RSRC1: variants seen among roughly 807,000 people sequenced by gnomAD.
RSRC1 encodes serine/Arginine-related protein 53.
In RSRC1, 39 loss-of-function variants were observed where a neutral mutation model predicts 49.1. That is an observed-to-expected ratio of 0.79 (90% CI 0.61 to 1.04). The LOEUF (loss-of-function observed/expected upper bound fraction) is 1.04. Among genes scored for constraint, RSRC1 ranks in the 50% least tolerant of loss-of-function variants. The pLI is 0.00. For missense variants in RSRC1, 388 were observed against 402.4 expected, an observed-to-expected ratio of 0.96 and a Z score of 0.31; for synonymous variants, 143 against 130.8, an observed-to-expected ratio of 1.09 and a Z score of -0.63.
At chr3:158,379,069 ATC>A (rs148544816) in intron 6 of RSRC1, among the ~76,000 whole-genome samples, 14,034 of 151,786 alleles carry the variant, frequency 0.092, 2,197 homozygotes, top group African/African-American at 0.33. Flanking sequence ...AGTCACCACC[ATC>A]TCTCACCTGA....
Position 158,516,749 on chromosome 3 carries a change from C to T in RSRC1, c.653-20343C>T, listed in dbSNP as rs562546749. 6.6e-5 allele frequency among the ~76,000 whole-genome samples: 10 copies of T among 152,348 alleles called. No homozygotes were observed. The East Asian group carries it at 1.2e-3, about 18-fold the overall frequency. On this transcript the variant is annotated intron_variant, in intron 7 of 9. Transcript: ENST00000611884. ...ACTGCTGTGCTAGCAATCAGCGAGA[C>T]TCCGTGGGCGTAGGGCCCTCCGAGC...
rs1362041731 is a variant in RSRC1 at position 158,259,064 on chromosome 3, T to C, written c.495-38975T>C. 2.6e-5 allele frequency among the ~76,000 whole-genome samples: 4 copies of C among 152,176 alleles called. No homozygotes were observed. In the East Asian group the frequency reaches 7.7e-4, roughly 29 times the overall value. ...CCAGGATTGGCTGGTGGTACCTTGT[T>C]GAGTTTCTTTGGTGAGGCCATCTTT... On this transcript the variant is annotated intron_variant, in intron 4 of 9. Transcript: ENST00000611884.
intron 5 of RSRC1, among the ~76,000 whole-genome samples, chr3:158,331,160 G>T (rs546428185): frequency 6.6e-6 from 1 of 152,192 alleles, no homozygotes; most frequent in Non-Finnish European, 1.5e-5. Flanking sequence ...TTGAGATTTG[G>T]TGTTGGGCTC....
chr3:158,208,838 C>T (rs1307826655), intron 4 of RSRC1, among the ~76,000 whole-genome samples: 1 of 152,152 alleles, frequency 6.6e-6, no homozygotes. Context: ...CTCATAATTG[C>T]AATTTGATTT....
intron 5 of RSRC1, among the ~76,000 whole-genome samples, chr3:158,298,665 C>G (rs73031618): frequency 0.012 from 1,803 of 152,026 alleles, 30 homozygotes; most frequent in African/African-American, 0.042. Flanking sequence ...ATTGGAAAAC[C>G]CTTACAATTG....
At chr3:158,373,167 CAA>C (rs756761858) in intron 6 of RSRC1, among the ~76,000 whole-genome samples, 6 of 151,718 alleles carry the variant, frequency 4.0e-5, no homozygotes, top group Non-Finnish European at 7.4e-5. Flanking sequence ...TCTACATAAA[CAA>C]TGATGTCATA....
At chr3:158,336,448 G>T (rs931162276) in intron 5 of RSRC1, 1 of 157,902 alleles carries the variant, frequency 6.3e-6, no homozygotes, top group Non-Finnish European at 1.4e-5. Context: ...GCTCCAGAGG[G>T]TCACTGGGGT....
At position 158,204,230 on chromosome 3, in the gene RSRC1, TTGTTTGTG is replaced by T. The variant is rs1721228361; in HGVS notation, c.494+991_494+998del. ...TTCCTCATTCCTTTCTTTTTCACAG[TTGTTTGTG>T]TGTTTATTTTTTATTTCCAAATTTA... On this transcript the variant is annotated intron_variant, in intron 4 of 9. Coordinates refer to ENST00000611884, the MANE Select transcript of RSRC1 (RefSeq NM_001271838.2). Among the ~76,000 whole-genome samples, 3 of 152,252 alleles carry T rather than the reference TTGTTTGTG, an allele frequency of 2.0e-5. No homozygotes were observed. The South Asian group carries it at 6.2e-4, about 32-fold the overall frequency.
chr3:158,399,428 T>TAC (rs1733788716), intron 6 of RSRC1, among the ~76,000 whole-genome samples: 1 of 35,844 alleles, frequency 2.8e-5, no homozygotes, highest in African/African-American at 1.6e-4. Context: ...AGTGCTGGGA[T>TAC]TACAGGCGTG....
chr3:158,298,902 G>T (rs545788959), intron 5 of RSRC1, among the ~76,000 whole-genome samples: 1 of 152,178 alleles, frequency 6.6e-6, no homozygotes, highest in South Asian at 2.1e-4. Context: ...ATGTACTTTT[G>T]TTCTGCTTCC....
At chr3:158,201,176 C>T (rs984768009) in intron 3 of RSRC1, among the ~76,000 whole-genome samples, 1 of 151,988 alleles carries the variant, frequency 6.6e-6, no homozygotes, top group Non-Finnish European at 1.5e-5. Context: ...AATTTCATTC[C>T]ACTGTCTTCT....
chr3:158,226,493 T>C (rs1722538911), intron 4 of RSRC1, among the ~76,000 whole-genome samples: 1 of 152,004 alleles, frequency 6.6e-6, no homozygotes, highest in Non-Finnish European at 1.5e-5. Flanking sequence ...CTGTTGCTTA[T>C]ATCCATTGGT....
At chr3:158,121,700 A>G (rs1715272688) in intron 1 of RSRC1, among the ~76,000 whole-genome samples, 1 of 152,364 alleles carries the variant, frequency 6.6e-6, no homozygotes, top group African/African-American at 2.4e-5. Flanking sequence ...ATTACTAAAG[A>G]AAATGTCATA....
At chr3:158,527,839 T>A (rs1043938239) in intron 7 of RSRC1, among the ~76,000 whole-genome samples, 13 of 151,980 alleles carry the variant, frequency 8.6e-5, no homozygotes, top group Non-Finnish European at 1.9e-4. Flanking sequence ...TTTTCCCTAA[T>A]TCATTATAAA....
intron 7 of RSRC1, among the ~76,000 whole-genome samples, chr3:158,486,233 T>C (rs184315595): frequency 3.3e-4 from 50 of 152,282 alleles, no homozygotes; most frequent in Middle Eastern, 3.4e-3. Flanking sequence ...CTAATGTCCC[T>C]TACCTGACTT....
chr3:158,235,980 G>T (rs570769000), intron 4 of RSRC1, among the ~76,000 whole-genome samples: 21 of 152,190 alleles, frequency 1.4e-4, no homozygotes, highest in Non-Finnish European at 2.4e-4. Context: ...GCCGGGTATG[G>T]TGGTGTATGT....
chr3:158,520,206 A>G (rs1711580504), intron 7 of RSRC1, among the ~76,000 whole-genome samples: 1 of 152,142 alleles, frequency 6.6e-6, no homozygotes, highest in Admixed American at 6.5e-5. Context: ...GGCCCATTCT[A>G]TTTTGTAGCA....
chr3:158,533,042 T>C (rs530001214), intron 7 of RSRC1, among the ~76,000 whole-genome samples: 1 of 151,852 alleles, frequency 6.6e-6, no homozygotes, highest in African/African-American at 2.4e-5. Context: ...TAATATATAT[T>C]ATTGATATGT....
chr3:158,334,521 G>T (rs1371956053), intron 5 of RSRC1, among the ~76,000 whole-genome samples: 2 of 149,028 alleles, frequency 1.3e-5, no homozygotes, highest in African/African-American at 5.0e-5. Context: ...TCACTGTGTC[G>T]CCAGGCTGGA....
Sources: gnomAD v4.1 joint callset for allele counts (sites outside exome capture counted in the v4.1 genomes callset) on GRCh38, gnomAD v4.1.1 for gene constraint, MANE v1.5 for transcripts, NCBI Gene and HGNC (gene_info 2026-07-23, HGNC 2026-07-21) for gene names.